The following C7orf33 variants were observed in gnomAD, a reference collection of about 807,000 sequenced individuals.
C7orf33 encodes the protein chromosome 7 open reading frame 33.
Under a neutral mutation model 13.4 loss-of-function variants are expected in C7orf33, and 15 were observed. The observed-to-expected ratio is 1.12, with a 90% CI of 0.75 to 1.72. The LOEUF (loss-of-function observed/expected upper bound fraction) is 1.72. C7orf33 is among the 40% of genes most tolerant of loss of function. C7orf33 has a pLI of 0.00. For missense variants in C7orf33, 187 were observed against 220.3 expected, an observed-to-expected ratio of 0.85 and a Z score of 0.96; for synonymous variants, 73 against 83.2, an observed-to-expected ratio of 0.88 and a Z score of 0.67.
At chr7:148,610,080 T>C (rs1254900511) in intron 1 of C7orf33, among the ~76,000 whole-genome samples, 1 of 152,192 alleles carries the variant, frequency 6.6e-6, no homozygotes, top group African/African-American at 2.4e-5. Context: ...AATGGTTCCA[T>C]CTGGACTTTA....
Position 148,615,424 on chromosome 7 carries a change from C to T in C7orf33, c.*23C>T. ...TAAGAATTTTGCAGAATCTAAGAGT[C>T]ACATCTCTAAATTTGTGTAGATTGT... On this transcript the variant is annotated 3_prime_UTR_variant, in exon 3 of 3. Transcript: ENST00000307003. 2 of 1,458,044 alleles carry T rather than the reference C, an allele frequency of 1.4e-6. No individual in the cohort carries two copies. Among genetic ancestry groups the T allele is most frequent in the Non-Finnish European group, 1.9e-6 (2 of 1,038,208 alleles). The allele number at this position is 1,458,044 out of a possible 1,614,324, so 90.3% of individuals were successfully genotyped here.
rs767469049 is a variant in C7orf33, at chr7:148,615,385, G to T, written c.518G>T (p.Arg173Ile). The change falls in exon 3 of 3, where the codon AGA becomes ATA. Residue 173 changes from arginine to isoleucine, a missense_variant. By Grantham distance (97) the Arg-to-Ile change is moderately conservative. Coordinates refer to ENST00000307003, the MANE Select transcript of C7orf33 (RefSeq NM_145304.4). Reference sequence around the variant, plus strand: ...TCTGTTGAGGCCACAAGGATTTCCAGAACTGACAGCAGTTAAGAATTTTGC... The same window carrying T: ...TCTGTTGAGGCCACAAGGATTTCCATAACTGACAGCAGTTAAGAATTTTGC... ...QNSVEATRIS[R>I]TDSS is the part of the protein sequence containing the mutation. 5.0e-6 allele frequency: 8 copies of T among 1,612,290 alleles called. No homozygotes were observed. In the African/African-American group the frequency reaches 5.3e-5, roughly 11 times the overall value.
intron 1 of C7orf33, among the ~76,000 whole-genome samples, chr7:148,610,426 C>T (rs112672640): frequency 0.032 from 4,834 of 152,144 alleles, 261 homozygotes; most frequent in African/African-American, 0.11. Context: ...CTCCCGTGCT[C>T]GATGCTTCCT....
At position 148,590,981 on chromosome 7, in the gene C7orf33, G is replaced by GC. The variant is rs1185313496; in HGVS notation, c.61dup (p.Gln21ProfsTer3). On this transcript the variant is annotated frameshift_variant, in exon 1 of 3. Coordinates refer to ENST00000307003, the MANE Select transcript of C7orf33 (RefSeq NM_145304.4). LOFTEE classifies it high-confidence loss of function. ...GAAGAGTGTCCCTGGAGACTTCCAG[G>GC]CCCCCAATGTGAATGTGAAGCCCTC... The GC allele has an allele frequency of 6.2e-7, 1 of 1,614,136 alleles. No individual in the cohort carries two copies. The highest frequency in any genetic ancestry group is 8.5e-7 in the Non-Finnish European group (1 of 1,180,022).
chr7:148,608,205 G>A (rs1274187499), intron 1 of C7orf33, among the ~76,000 whole-genome samples: 4 of 152,092 alleles, frequency 2.6e-5, no homozygotes, highest in African/African-American at 9.7e-5. Context: ...TGACGCAGGC[G>A]GATCACGAGG....
intron 1 of C7orf33, 75 bp downstream of exon 1, chr7:148,591,204 T>C: frequency 8.0e-7 from 1 of 1,253,926 alleles, no homozygotes; most frequent in Non-Finnish European, 1.2e-6. Flanking sequence ...ATTCACTCAA[T>C]CCATGAATGT....
At chr7:148,600,149 A>G (rs1388341410) in intron 1 of C7orf33, among the ~76,000 whole-genome samples, 1 of 152,164 alleles carries the variant, frequency 6.6e-6, no homozygotes, top group Non-Finnish European at 1.5e-5. Context: ...GGGAAGAACC[A>G]GAGGAGGGTC....
chr7:148,601,378 C>G (rs188209589), intron 1 of C7orf33, among the ~76,000 whole-genome samples: 150 of 152,270 alleles, frequency 9.9e-4, no homozygotes, highest in African/African-American at 3.5e-3. Flanking sequence ...CAGAGTCTCA[C>G]TCTGTTGCCC....
At chr7:148,608,677 T>C (rs1344313463) in intron 1 of C7orf33, among the ~76,000 whole-genome samples, 1 of 151,458 alleles carries the variant, frequency 6.6e-6, no homozygotes, top group Non-Finnish European at 1.5e-5. Flanking sequence ...AAGCCAGGCG[T>C]GGTGGCGCAT....
chr7:148,601,543 C>T (rs1393404102), intron 1 of C7orf33, among the ~76,000 whole-genome samples: 2 of 152,006 alleles, frequency 1.3e-5, no homozygotes, highest in Non-Finnish European at 2.9e-5. Flanking sequence ...AACAGGGTCT[C>T]ACCATGTTGC....
At chr7:148,598,946 T>G (rs1423736237) in intron 1 of C7orf33, among the ~76,000 whole-genome samples, 1 of 151,910 alleles carries the variant, frequency 6.6e-6, no homozygotes, top group African/African-American at 2.4e-5. Flanking sequence ...CACTGCAACC[T>G]CCGCCTCCCA....
chr7:148,609,875 A>T (rs1421981689), intron 1 of C7orf33, among the ~76,000 whole-genome samples: 1 of 152,154 alleles, frequency 6.6e-6, no homozygotes, highest in Non-Finnish European at 1.5e-5. Flanking sequence ...AGTGTCCCCC[A>T]CCTGGAGGGG....
rs1331699194 is a variant in C7orf33, at chr7:148,615,656, G to T, written c.*255G>T. On this transcript the variant is annotated 3_prime_UTR_variant, in exon 3 of 3. Coordinates refer to ENST00000307003, the MANE Select transcript of C7orf33 (RefSeq NM_145304.4). Reference sequence around the variant, plus strand: ...GTGGGGCCCAGGAGAGGACCACGGAGTGACAAGCCACCAGGTTCTAAAGGG... The same window carrying T: ...GTGGGGCCCAGGAGAGGACCACGGATTGACAAGCCACCAGGTTCTAAAGGG... 5.2e-6 allele frequency: 2 copies of T among 384,500 alleles called. No individual in the cohort carries two copies. The highest frequency in any genetic ancestry group is 9.7e-6 in the Non-Finnish European group (2 of 205,220). The allele number at this position is 384,500 out of a possible 1,614,324, so 23.8% of individuals were successfully genotyped here.
At chr7:148,595,794 C>G (rs559676772) in intron 1 of C7orf33, among the ~76,000 whole-genome samples, 90 of 145,922 alleles carry the variant, frequency 6.2e-4, no homozygotes, top group Non-Finnish European at 1.0e-3. Context: ...CTGTGCCTGG[C>G]CTGCTTGCTT....
intron 1 of C7orf33, among the ~76,000 whole-genome samples, chr7:148,595,656 GATCTATATTATATAGATATA>G (rs1796329571): frequency 1.5e-5 from 1 of 68,274 alleles, no homozygotes; most frequent in African/African-American, 1.4e-4. Flanking sequence ...ATATAATATA[GATCTATATTATATAGATATA>G]ATATAGATCT....
At chr7:148,612,020 C>A (rs1796549724) in intron 1 of C7orf33, among the ~76,000 whole-genome samples, 1 of 152,252 alleles carries the variant, frequency 6.6e-6, no homozygotes, top group African/African-American at 2.4e-5. Flanking sequence ...GGAATAGCAA[C>A]CTTGCAGCAT....
At chr7:148,598,753 TATATATATATAG>T (rs1248309799) in intron 1 of C7orf33, among the ~76,000 whole-genome samples, 79 of 62,520 alleles carry the variant, frequency 1.3e-3, no homozygotes, top group Non-Finnish European at 1.3e-3. Context: ...TATATATATA[TATATATATATAG>T]AGAGAGAGAG....
intron 1 of C7orf33, 92 bp from the exon 2 acceptor site, chr7:148,613,950 C>T (rs562996100): frequency 1.0e-5 from 13 of 1,299,998 alleles, no homozygotes; most frequent in Non-Finnish European, 1.4e-5. Flanking sequence ...TACTTAGTAG[C>T]CTCAAAAGAA....
chr7:148,593,569 T>A (rs934741106), intron 1 of C7orf33, among the ~76,000 whole-genome samples: 1 of 152,200 alleles, frequency 6.6e-6, no homozygotes. Flanking sequence ...CTGGCCTGAA[T>A]TTCTTTAAAT....
Sources: gnomAD v4.1 joint callset for allele counts (sites outside exome capture counted in the v4.1 genomes callset) on GRCh38, gnomAD v4.1.1 for gene constraint, MANE v1.5 for transcripts, NCBI Gene and HGNC (gene_info 2026-07-23, HGNC 2026-07-21) for gene names.